Variants in SND1 observed in about 807,000 individuals in gnomAD.
SND1 encodes staphylococcal nuclease and tudor domain containing 1.
Under a neutral mutation model 121.7 loss-of-function variants are expected in SND1, and 38 were observed. That is an observed-to-expected ratio of 0.31 (90% CI 0.24 to 0.41). The LOEUF (loss-of-function observed/expected upper bound fraction) is 0.41, where lower values mean the gene tolerates loss of function less well. Among genes scored for constraint, SND1 ranks in the 10% least tolerant of loss-of-function variants. SND1 has a pLI of 1.00. For synonymous variants in SND1, 401 were observed against 447.4 expected (o/e 0.90, Z 1.31); for missense variants, 868 against 1,184.6 (o/e 0.73, Z 3.92).
intron 16 of SND1, among the ~76,000 whole-genome samples, chr7:128,005,889 C>A (rs539368816): frequency 1.3e-5 from 2 of 150,520 alleles, no homozygotes; most frequent in South Asian, 2.1e-4. Context: ...CAAGTCCCCA[C>A]CCCCAGCCCC....
At chr7:127,873,352 A>G (rs1275263389) in intron 12 of SND1, among the ~76,000 whole-genome samples, 1 of 152,108 alleles carries the variant, frequency 6.6e-6, no homozygotes, top group South Asian at 2.1e-4. Flanking sequence ...TAAGCAGAGG[A>G]TTAAAGATTA....
At chr7:127,908,241 T>C (rs1434049262) in intron 14 of SND1, among the ~76,000 whole-genome samples, 1 of 150,928 alleles carries the variant, frequency 6.6e-6, no homozygotes, top group Non-Finnish European at 1.5e-5. Context: ...TTGCTTAAGG[T>C]CAGGAATGCA....
In SND1 at chr7:127,704,918, G is replaced by C; in HGVS notation, c.920G>C (p.Gly307Ala). The C allele has an allele frequency of 6.2e-7, 1 of 1,614,080 alleles. No individual in the cohort carries two copies. Among genetic ancestry groups the C allele is most frequent in the Non-Finnish European group, 8.5e-7 (1 of 1,179,974 alleles). Residue 307 changes from glycine (G) to alanine (A), a missense_variant, in exon 8 of 24, where the codon GGC becomes GCC. Coordinates refer to ENST00000354725, the MANE Select transcript of SND1 (RefSeq NM_014390.4). ...TGGTCGATTGCAGTTTACACCCGGG[G>C]CGCAGAAAAGCTGAGGGCGGCAGAG... ...VDWSIAVYTR[G>A]AEKLRAAERF...
At chr7:127,952,312 A>T (rs1424933446) in intron 15 of SND1, among the ~76,000 whole-genome samples, 1 of 152,186 alleles carries the variant, frequency 6.6e-6, no homozygotes, top group Non-Finnish European at 1.5e-5. Context: ...TTTTGTAGTC[A>T]TATTTGTGGC....
intron 11 of SND1, among the ~76,000 whole-genome samples, chr7:127,829,355 C>T (rs1798698972): frequency 6.6e-6 from 1 of 152,084 alleles, no homozygotes; most frequent in Non-Finnish European, 1.5e-5. Context: ...ATTGTTTGGA[C>T]CATCCCTTGA....
chr7:127,981,142 A>T (rs566441884), intron 15 of SND1, among the ~76,000 whole-genome samples: 108 of 152,280 alleles, frequency 7.1e-4, no homozygotes, highest in Non-Finnish European at 1.1e-3. Context: ...AGCTTGAGCC[A>T]TGTAGGAGCT....
intron 14 of SND1, among the ~76,000 whole-genome samples, chr7:127,922,611 G>A (rs1432550996): frequency 6.6e-6 from 1 of 152,130 alleles, no homozygotes; most frequent in Non-Finnish European, 1.5e-5. Flanking sequence ...AAGTCTGATT[G>A]GAGAGTAATT....
chr7:127,932,493 G>T (rs2116824415), intron 15 of SND1, among the ~76,000 whole-genome samples: 1 of 152,336 alleles, frequency 6.6e-6, no homozygotes, highest in Admixed American at 6.5e-5. Flanking sequence ...TTGTAGAAAT[G>T]ACAACAAAGG....
At chr7:127,701,059 G>A (rs1184725625) in intron 4 of SND1, 104 bp from the exon 5 acceptor site, 1 of 1,256,732 alleles carries the variant, frequency 8.0e-7, no homozygotes, top group Non-Finnish European at 1.1e-6. Context: ...ACAGACCTTT[G>A]TTGTCTTCAA....
chr7:127,912,663 T>C (rs1383400251), intron 14 of SND1, among the ~76,000 whole-genome samples: 2 of 152,176 alleles, frequency 1.3e-5, no homozygotes, highest in Admixed American at 1.3e-4. Flanking sequence ...AAAATGAAAT[T>C]TTCTACATGA....
intron 9 of SND1, among the ~76,000 whole-genome samples, chr7:127,712,692 C>G (rs543177745): frequency 6.6e-6 from 1 of 152,212 alleles, no homozygotes; most frequent in Non-Finnish European, 1.5e-5. Flanking sequence ...CATCCATCTG[C>G]TTTCCAGCTT....
intron 16 of SND1, chr7:128,028,920 T>C (rs184219198): frequency 6.2e-7 from 1 of 1,611,974 alleles, no homozygotes; most frequent in East Asian, 2.2e-5. Flanking sequence ...TGCTGGGATG[T>C]CTTCGTCCAC....
intron 1 of SND1, among the ~76,000 whole-genome samples, chr7:127,653,439 A>G (rs966787924): frequency 1.3e-5 from 2 of 152,200 alleles, no homozygotes; most frequent in Middle Eastern, 3.2e-3. Flanking sequence ...TGACATTTGT[A>G]TCTGCAACAG....
intron 11 of SND1, among the ~76,000 whole-genome samples, chr7:127,821,464 C>T (rs571058937): frequency 5.3e-5 from 8 of 152,268 alleles, no homozygotes; most frequent in African/African-American, 1.9e-4. Context: ...CTCTGCTCTC[C>T]AACTGTTGTC....
intron 12 of SND1, among the ~76,000 whole-genome samples, chr7:127,847,816 G>A (rs1369739704): frequency 1.3e-5 from 2 of 152,224 alleles, no homozygotes; most frequent in African/African-American, 2.4e-5. Flanking sequence ...AGGTCAACTG[G>A]CAAGGAGACA....
chr7:127,885,155 T>C (rs1799871415), intron 12 of SND1, among the ~76,000 whole-genome samples: 1 of 152,118 alleles, frequency 6.6e-6, no homozygotes, highest in Non-Finnish European at 1.5e-5. Context: ...GGAACTGGGA[T>C]ATAGAGCAAG....
At chr7:127,921,705 C>G (rs530719619) in intron 14 of SND1, among the ~76,000 whole-genome samples, 2 of 152,100 alleles carry the variant, frequency 1.3e-5, no homozygotes, top group East Asian at 3.9e-4. Context: ...TAGAGCTGTT[C>G]CATTGTCCCA....
intron 15 of SND1, among the ~76,000 whole-genome samples, chr7:127,955,507 G>C (rs758358750): frequency 1.2e-4 from 19 of 152,156 alleles, no homozygotes; most frequent in South Asian, 2.1e-4. Flanking sequence ...GGAGTTGTGG[G>C]GGGGTGGTGG....
At chr7:127,693,208 AT>A (rs1387608859) in intron 2 of SND1, among the ~76,000 whole-genome samples, 1 of 152,018 alleles carries the variant, frequency 6.6e-6, no homozygotes, top group East Asian at 1.9e-4. Flanking sequence ...GTGGTTGATA[AT>A]TGGGATCATT....
Sources: gnomAD v4.1 joint callset for allele counts (sites outside exome capture counted in the v4.1 genomes callset) on GRCh38, gnomAD v4.1.1 for gene constraint, MANE v1.5 for transcripts, NCBI Gene and HGNC (gene_info 2026-07-23, HGNC 2026-07-21) for gene names.